Variants in RSBN1L observed in about 807,000 individuals in gnomAD.
RSBN1L encodes round spermatid basic protein 1 like, also known as lysine-specific demethylase RSBN1L.
RSBN1L carries 30 observed loss-of-function variants against 67.7 expected under a neutral mutation model. The ratio of observed to expected loss-of-function variants is 0.44; its 90% CI spans 0.33 to 0.60. RSBN1L has a LOEUF of 0.60. Ranked by LOEUF, RSBN1L falls within the 20% of genes least tolerant of loss-of-function variation. The pLI, the probability that RSBN1L is intolerant of heterozygous loss-of-function variation, is 0.02. For missense variants in RSBN1L, 992 were observed against 1,031.7 expected, an observed-to-expected ratio of 0.96 and a Z score of 0.53; for synonymous variants, 433 against 387.0, an observed-to-expected ratio of 1.12 and a Z score of -1.39.
intron 6 of RSBN1L, among the ~76,000 whole-genome samples, chr7:77,775,213 C>T (rs1791897840): frequency 6.6e-6 from 1 of 152,094 alleles, no homozygotes; most frequent in African/African-American, 2.4e-5. Flanking sequence ...TGCACCTGGC[C>T]TTATTAGAGC....
intron 3 of RSBN1L, among the ~76,000 whole-genome samples, chr7:77,758,608 A>C (rs1406410496): frequency 1.3e-5 from 2 of 152,184 alleles, no homozygotes; most frequent in Non-Finnish European, 2.9e-5. Flanking sequence ...GTGTGTGCGC[A>C]TTAATAGACT....
chr7:77,765,552 T>C lies in RSBN1L; in HGVS notation c.1402T>C (p.Leu468=), dbSNP rs751374392. The stretch of plus-strand genomic sequence containing the variant: ...AGCTGGCCCAATGAGACAAATAAGC[T>C]TGGTGGGAGCAGTTGATGAAGAAGT... The part of the protein sequence containing the change: ...YRAGPMRQIS[L]VGAVDEEVGD... Residue 468 remains leucine, a synonymous_variant, in exon 4 of 8, where the codon TTG becomes CTG. Coordinates refer to ENST00000334955, the MANE Select transcript of RSBN1L (RefSeq NM_198467.3). 6 of 1,611,444 alleles carry C rather than the reference T, an allele frequency of 3.7e-6. No individual in the cohort carries two copies. Among genetic ancestry groups the C allele is most frequent in the Non-Finnish European group, 4.2e-6 (5 of 1,178,366 alleles).
At chr7:77,733,149 T>TA (rs1236640228) in intron 1 of RSBN1L, among the ~76,000 whole-genome samples, 1 of 152,004 alleles carries the variant, frequency 6.6e-6, no homozygotes, top group Non-Finnish European at 1.5e-5. Context: ...AAATAAAGAA[T>TA]AAAAGACTGG....
intron 3 of RSBN1L, among the ~76,000 whole-genome samples, chr7:77,758,645 A>G (rs141796391): frequency 2.7e-4 from 41 of 152,230 alleles, no homozygotes; most frequent in African/African-American, 8.9e-4. Context: ...GGAGTGGCAA[A>G]ATCACATTGC....
intron 1 of RSBN1L, among the ~76,000 whole-genome samples, chr7:77,735,731 T>G (rs1791325598): frequency 1.3e-5 from 2 of 152,170 alleles, no homozygotes; most frequent in Admixed American, 1.3e-4. Flanking sequence ...GCTGGGTGCA[T>G]AGGAAGTCAT....
At chr7:77,750,493 A>G (rs1791543682) in intron 3 of RSBN1L, among the ~76,000 whole-genome samples, 1 of 152,180 alleles carries the variant, frequency 6.6e-6, no homozygotes, top group South Asian at 2.1e-4. Flanking sequence ...TTGGCCATTA[A>G]AAATATTGTG....
Position 77,716,961 on chromosome 7 carries a change from C to CT in RSBN1L, c.587-19437dup, listed in dbSNP as rs150026745. On this transcript the variant is annotated intron_variant, in intron 1 of 7. Transcript: ENST00000334955. ...TGCCTGGCCTATCTATTCTTACATT[C>CT]TTTTTTTTTTTTCAAAGGAGACAGG... 3.8e-3 allele frequency among the ~76,000 whole-genome samples: 473 copies of CT among 124,740 alleles called. 4 individuals carry two copies. Among genetic ancestry groups the CT allele is most frequent in the Middle Eastern group, 0.017 (3 of 180 alleles). 81.8% of individuals were successfully genotyped at this position (124,740 alleles called of 152,430 possible).
intron 2 of RSBN1L, among the ~76,000 whole-genome samples, chr7:77,747,312 ATAGAC>A (rs1333469911): frequency 1.3e-5 from 2 of 152,228 alleles, no homozygotes; most frequent in Non-Finnish European, 2.9e-5. Context: ...CCAACTGCTA[ATAGAC>A]TAGACAATGG....
At chr7:77,722,304 A>C (rs760598614) in intron 1 of RSBN1L, among the ~76,000 whole-genome samples, 21 of 152,150 alleles carry the variant, frequency 1.4e-4, no homozygotes, top group Non-Finnish European at 2.4e-4. Flanking sequence ...TTTTAGAGGC[A>C]ATATAGAGAA....
At chr7:77,755,418 A>G (rs1309849906) in intron 3 of RSBN1L, among the ~76,000 whole-genome samples, 1 of 152,124 alleles carries the variant, frequency 6.6e-6, no homozygotes, top group Non-Finnish European at 1.5e-5. Context: ...TAATCTCAGC[A>G]CTGTGGGAGG....
intron 3 of RSBN1L, among the ~76,000 whole-genome samples, chr7:77,752,306 AAGCATGTC>A (rs1471225362): frequency 6.6e-6 from 1 of 152,190 alleles, no homozygotes; most frequent in Non-Finnish European, 1.5e-5. Context: ...CTGGTGACCT[AAGCATGTC>A]AGCTGCAGGG....
In RSBN1L at chr7:77,749,793, G is replaced by A. The variant is rs770462168; in HGVS notation, c.1073G>A (p.Gly358Asp). Reference protein sequence around the residue: ...LIHIEHQPNGGASVIHAYSNE... With the variant: ...LIHIEHQPNGDASVIHAYSNE... Reference sequence around the variant, plus strand: ...CATATAGAGCACCAGCCTAATGGAGGTGCATCGGTTATCCATGCCTACAGT... The same window carrying A: ...CATATAGAGCACCAGCCTAATGGAGATGCATCGGTTATCCATGCCTACAGT... The change falls in exon 3 of 8, where the codon GGT becomes GAT. Residue 358 changes from glycine (G) to aspartate (D), a missense_variant. Gly to Asp is a moderately conservative substitution (Grantham distance 94, BLOSUM62 -1). Around this residue, in one of 7 missense-constraint regions of RSBN1L, gnomAD observed 575 missense variants for 483.2 expected, o/e 1.19. Coordinates refer to ENST00000334955, the MANE Select transcript of RSBN1L (RefSeq NM_198467.3). 1.2e-6 allele frequency: 2 copies of A among 1,614,188 alleles called. No individual in the cohort carries two copies. Among genetic ancestry groups the A allele is most frequent in the Admixed American group, 1.7e-5 (1 of 60,024 alleles).
intron 2 of RSBN1L, among the ~76,000 whole-genome samples, chr7:77,739,739 C>CTTTTTT (rs1173154183): frequency 0.031 from 1,338 of 42,676 alleles, 238 homozygotes; most frequent in Middle Eastern, 0.045. Context: ...AAAAATGTGT[C>CTTTTTT]TTTTTTTTTT....
intron 6 of RSBN1L, among the ~76,000 whole-genome samples, chr7:77,777,994 C>CTT (rs918394119): frequency 1.3e-5 from 2 of 152,116 alleles, no homozygotes; most frequent in African/African-American, 4.8e-5. Context: ...GTGTTTTCAA[C>CTT]TTTAGCACTT....
intron 1 of RSBN1L, among the ~76,000 whole-genome samples, chr7:77,701,641 C>T (rs900760351): frequency 1.1e-4 from 16 of 144,666 alleles, no homozygotes; most frequent in African/African-American, 4.0e-4. Flanking sequence ...TCTGAACTTT[C>T]ACTGAATTTT....
At chr7:77,770,558 C>T (rs1318994456) in intron 5 of RSBN1L, among the ~76,000 whole-genome samples, 2 of 151,804 alleles carry the variant, frequency 1.3e-5, no homozygotes, top group African/African-American at 2.4e-5. Flanking sequence ...TGGTACATGC[C>T]CGTAGCCCTA....
At chr7:77,764,775 C>T (rs996951544) in intron 3 of RSBN1L, among the ~76,000 whole-genome samples, 7 of 151,904 alleles carry the variant, frequency 4.6e-5, no homozygotes, top group African/African-American at 1.5e-4. Flanking sequence ...TACAGGCGCG[C>T]GCCGGCCACC....
chr7:77,734,347 A>G (rs1164927424), intron 1 of RSBN1L, among the ~76,000 whole-genome samples: 1 of 152,196 alleles, frequency 6.6e-6, no homozygotes, highest in Non-Finnish European at 1.5e-5. Context: ...AAATTGAATT[A>G]TTGGAAAAAG....
chr7:77,728,770 G>A (rs1009351953), intron 1 of RSBN1L, among the ~76,000 whole-genome samples: 7 of 152,148 alleles, frequency 4.6e-5, no homozygotes, highest in Admixed American at 4.6e-4. Flanking sequence ...TTTTAGTCTT[G>A]GGGGATTTTT....
Sources: gnomAD v4.1 joint callset for allele counts (sites outside exome capture counted in the v4.1 genomes callset) on GRCh38, gnomAD v4.1.1 for gene constraint, gnomAD v4.1.1 regional missense constraint, MANE v1.5 for transcripts, NCBI Gene and HGNC (gene_info 2026-07-23, HGNC 2026-07-21) for gene names.